Variants in ZFAND6 observed in about 807,000 individuals in gnomAD.
ZFAND6 encodes the protein AN1-type zinc finger protein 6.
Under a neutral mutation model 24.5 loss-of-function variants are expected in ZFAND6, and 12 were observed. The ratio of observed to expected loss-of-function variants is 0.49; its 90% CI spans 0.31 to 0.79. The LOEUF (loss-of-function observed/expected upper bound fraction) is 0.79. ZFAND6 is among the 30% of genes least tolerant of loss of function. The pLI is 0.04. For missense variants in ZFAND6, 207 were observed against 245.9 expected, an observed-to-expected ratio of 0.84 and a Z score of 1.06; for synonymous variants, 92 against 81.5, an observed-to-expected ratio of 1.13 and a Z score of -0.69.
chr15:80,080,655 A>C (rs2037609174), intron 1 of ZFAND6, among the ~76,000 whole-genome samples: 2 of 152,220 alleles, frequency 1.3e-5, no homozygotes, highest in South Asian at 4.1e-4. Context: ...ATACAGAAAT[A>C]CGTGAGACTG....
intron 1 of ZFAND6, among the ~76,000 whole-genome samples, chr15:80,086,672 A>G (rs538187830): frequency 2.0e-5 from 3 of 152,336 alleles, no homozygotes; most frequent in African/African-American, 7.2e-5. Flanking sequence ...TAAAATATAC[A>G]TAAAATTTAC....
At chr15:80,106,187 T>C (rs1470642698) in intron 2 of ZFAND6, among the ~76,000 whole-genome samples, 1 of 152,230 alleles carries the variant, frequency 6.6e-6, no homozygotes, top group African/African-American at 2.4e-5. Flanking sequence ...CTTATAGTCA[T>C]GGAATTTTGC....
chr15:80,105,435 G>C (rs887802416), intron 2 of ZFAND6, among the ~76,000 whole-genome samples: 24 of 152,148 alleles, frequency 1.6e-4, no homozygotes, highest in Admixed American at 1.1e-3. Flanking sequence ...TATGACTGCA[G>C]CTACTATTAA....
intron 1 of ZFAND6, among the ~76,000 whole-genome samples, chr15:80,066,319 T>TA (rs57890328): frequency 0.02 from 2,608 of 130,322 alleles, 33 homozygotes; most frequent in African/African-American, 0.046. Context: ...TATCGAAACA[T>TA]AAAAAAAAAA....
In ZFAND6 at chr15:80,059,728, T is replaced by C. The variant is rs549298365; in HGVS notation, c.-262T>C. 3 of 152,192 alleles carry C rather than the reference T, an allele frequency of 2.0e-5. No homozygotes were observed. Among genetic ancestry groups the C allele is most frequent in the Admixed American group, 1.3e-4 (2 of 15,274 alleles). 9.4% of individuals were successfully genotyped at this position (152,192 alleles called of 1,614,324 possible). On this transcript the variant is annotated 5_prime_UTR_variant, in exon 1 of 7. Transcript: ENST00000261749. Reference sequence around the variant, plus strand: ...GTGGCGGAGCCGGAGCAAGCAGGGGTTCGGCGGCATTACCTGTACCCATTC... The same window carrying C: ...GTGGCGGAGCCGGAGCAAGCAGGGGCTCGGCGGCATTACCTGTACCCATTC...
chr15:80,107,633 T>C (rs532375575), intron 2 of ZFAND6, among the ~76,000 whole-genome samples: 3 of 152,148 alleles, frequency 2.0e-5, no homozygotes, highest in Admixed American at 6.5e-5. Context: ...AAGACCAGTC[T>C]GGCCAACATG....
At chr15:80,064,899 T>G (rs910763659) in intron 1 of ZFAND6, among the ~76,000 whole-genome samples, 2 of 152,014 alleles carry the variant, frequency 1.3e-5, no homozygotes, top group Non-Finnish European at 2.9e-5. Flanking sequence ...CCCTAAGTGC[T>G]GGGATTACAG....
chr15:80,118,571 T>C (rs1017607235), intron 2 of ZFAND6, among the ~76,000 whole-genome samples: 1 of 152,188 alleles, frequency 6.6e-6, no homozygotes, highest in African/African-American at 2.4e-5. Flanking sequence ...TGTATGTATG[T>C]ATATATACAT....
At position 80,124,016 on chromosome 15, in the gene ZFAND6, A is replaced by G. The variant is rs139358148; in HGVS notation, c.364+1216A>G. 2.7e-3 allele frequency among the ~76,000 whole-genome samples: 409 copies of G among 152,372 alleles called. 1 individual carries two copies. The highest frequency in any genetic ancestry group is 9.4e-3 in the African/African-American group (391 of 41,588). On this transcript the variant is annotated intron_variant, in intron 5 of 6. Transcript: ENST00000261749. ...AACAAAAGAATATTCTGTGTGGTCA[A>G]CGTAAATATTCTAGTCCCATCTAGC...
chr15:80,116,871 G>C (rs1042404948), intron 2 of ZFAND6, among the ~76,000 whole-genome samples: 1 of 152,120 alleles, frequency 6.6e-6, no homozygotes, highest in African/African-American at 2.4e-5. Context: ...GAAGCCAAAA[G>C]ATTGGATACC....
chr15:80,076,041 A>C (rs1380873786), intron 1 of ZFAND6, among the ~76,000 whole-genome samples: 2 of 151,976 alleles, frequency 1.3e-5, no homozygotes, highest in Admixed American at 1.3e-4. Context: ...CTCATTAGTG[A>C]TCTCTGTGTC....
At chr15:80,106,373 GA>G in intron 2 of ZFAND6, among the ~76,000 whole-genome samples, 1 of 152,160 alleles carries the variant, frequency 6.6e-6, no homozygotes, top group South Asian at 2.1e-4. Context: ...AAGTTTTATT[GA>G]AACACAGCCA....
At chr15:80,068,295 G>A (rs1459356938) in intron 1 of ZFAND6, among the ~76,000 whole-genome samples, 1 of 151,478 alleles carries the variant, frequency 6.6e-6, no homozygotes, top group African/African-American at 2.4e-5. Flanking sequence ...CTACAGGCGC[G>A]CCACCATGCC....
intron 6 of ZFAND6, among the ~76,000 whole-genome samples, chr15:80,132,078 A>G (rs901146397): frequency 3.3e-5 from 5 of 152,226 alleles, no homozygotes; most frequent in Admixed American, 6.5e-5. Context: ...ATACGTGAAC[A>G]AGACTGTTGT....
chr15:80,066,083 C>T (rs1311400437), intron 1 of ZFAND6, among the ~76,000 whole-genome samples: 2 of 152,108 alleles, frequency 1.3e-5, no homozygotes, highest in Non-Finnish European at 2.9e-5. Flanking sequence ...GTGCTGAGGA[C>T]ACAACTATGT....
chr15:80,085,794 A>T (rs1314523934), intron 1 of ZFAND6, among the ~76,000 whole-genome samples: 5 of 152,120 alleles, frequency 3.3e-5, no homozygotes, highest in African/African-American at 1.2e-4. Context: ...ATGTATAGTC[A>T]TGTGCCACAT....
intron 2 of ZFAND6, among the ~76,000 whole-genome samples, chr15:80,115,410 T>A (rs1567086313): frequency 6.6e-6 from 1 of 152,186 alleles, no homozygotes; most frequent in Non-Finnish European, 1.5e-5. Flanking sequence ...ATTTGTGGTT[T>A]TATAATTCCA....
chr15:80,092,510 T>C (rs958655907), intron 1 of ZFAND6, among the ~76,000 whole-genome samples: 1 of 152,200 alleles, frequency 6.6e-6, no homozygotes, highest in Admixed American at 6.5e-5. Context: ...ATATCAGTTA[T>C]TCATTGTTAA....
chr15:80,131,762 C>T (rs965369671), intron 6 of ZFAND6, among the ~76,000 whole-genome samples: 2 of 152,264 alleles, frequency 1.3e-5, no homozygotes, highest in African/African-American at 4.8e-5. Context: ...CTATCAGATG[C>T]AGATGGTGGT....
Sources: allele counts gnomAD v4.1 joint callset (sites outside exome capture counted in the v4.1 genomes callset), GRCh38; gene constraint gnomAD v4.1.1; transcripts MANE v1.5; gene names NCBI Gene and HGNC (gene_info 2026-07-23, HGNC 2026-07-21).